The following MAN2B2 variants were observed in gnomAD, a reference collection of about 807,000 sequenced individuals.
MAN2B2 encodes the protein mannosidase alpha class 2B member 2.
Under a neutral mutation model 117.1 loss-of-function variants are expected in MAN2B2, and 106 were observed. The ratio of observed to expected loss-of-function variants is 0.90; its 90% confidence interval spans 0.77 to 1.06. The LOEUF is 1.06. Ranked by LOEUF, MAN2B2 falls within the 50% of genes least tolerant of loss-of-function variation. The pLI is 0.00. For synonymous variants in MAN2B2, 544 were observed against 595.1 expected (o/e 0.91, Z 1.25); for missense variants, 1,326 against 1,381.4 (o/e 0.96, Z 0.64).
Position 6,620,050 on chromosome 4 carries a change from G to C in MAN2B2, c.2932+6G>C. 1 of 1,606,036 alleles carries C rather than the reference G, an allele frequency of 6.2e-7. No individual in the cohort carries two copies. On this transcript the variant is annotated splice_donor_region_variant and intron_variant, in intron 18 of 18. Coordinates refer to ENST00000285599, the MANE Select transcript of MAN2B2 (RefSeq NM_015274.3). The stretch of plus-strand genomic sequence containing the variant: ...GGGGCCTGGCCGCCACAGAGGTTTG[G>C]GGACCCCCGCTTCAGCTCCCTACCC...
rs1467996516 is a variant in MAN2B2 at position 6,600,714 on chromosome 4, A to T, written c.1497A>T (p.Gly499=). The T allele has an allele frequency of 6.8e-6, 11 of 1,613,954 alleles. No individual in the cohort carries two copies. In the South Asian group the frequency reaches 7.7e-5, roughly 11 times the overall value. Residue 499 remains glycine (G), a synonymous_variant, in exon 10 of 19, where the codon GGA becomes GGT. Transcript: ENST00000285599. The stretch of plus-strand genomic sequence containing the variant: ...TCACCCTGACTGTTGGTTTCCCTGG[A>T]GTCCGCGTCACAGATGAGGCGGGCC... The part of the protein sequence containing the change: ...TIVTLTVGFP[G]VRVTDEAGHP...
intron 17 of MAN2B2, 164 bp from the exon 18 acceptor site, chr4:6,619,763 T>G: frequency 1.5e-6 from 1 of 654,652 alleles, no homozygotes; most frequent in East Asian, 2.6e-5. Flanking sequence ...TCCTCGCAGA[T>G]GTGCTGTGAG....
At chr4:6,578,608 C>T (rs920606787) in intron 3 of MAN2B2, 110 bp downstream of exon 3, 2 of 850,610 alleles carry the variant, frequency 2.4e-6, no homozygotes, top group South Asian at 1.6e-5. Flanking sequence ...TTAGTGGGGT[C>T]GGGGACCTTA....
At position 6,575,347 on chromosome 4, in the gene MAN2B2, A is replaced by T; in HGVS notation, c.137A>T (p.Gln46Leu). The T allele has an allele frequency of 6.4e-7, 1 of 1,553,338 alleles. No individual in the cohort carries two copies. The highest frequency in any genetic ancestry group is 8.7e-7 in the Non-Finnish European group (1 of 1,150,966). ...HMDVGWVYTV[Q>L]ESMRAYAANV... Reference sequence around the variant, plus strand: ...GACGTGGGCTGGGTCTACACTGTGCAGGTAGGTGCCGACCACGCCCCGCGC... The same window carrying T: ...GACGTGGGCTGGGTCTACACTGTGCTGGTAGGTGCCGACCACGCCCCGCGC... Residue 46 changes from glutamine (Q) to leucine (L), a missense_variant and splice_region_variant, in exon 1 of 19, where the codon CAG (glutamine) becomes CTG (leucine). Physicochemically the swap from Gln to Leu is moderately radical, Grantham distance 113 (BLOSUM62 -2). Transcript: ENST00000285599.
intron 16 of MAN2B2, among the ~76,000 whole-genome samples, chr4:6,616,229 A>G (rs1711866668): frequency 6.6e-6 from 1 of 152,186 alleles, no homozygotes; most frequent in African/African-American, 2.4e-5. Context: ...TGTGTTAACC[A>G]GGTCCTCTCT....
chr4:6,594,516 G>T lies in MAN2B2; in HGVS notation c.859-18G>T. The T allele has an allele frequency of 6.2e-7, 1 of 1,610,496 alleles. No homozygotes were observed. The highest frequency in any genetic ancestry group is 1.3e-5 in the African/African-American group (1 of 75,054). On this transcript the variant is annotated intron_variant, in intron 6 of 18. Coordinates refer to ENST00000285599, the MANE Select transcript of MAN2B2 (RefSeq NM_015274.3). ...CCCTGCTCCCACGGCACAGGATGTTGCTCCCATGTCCCTGCAGGGATGTGA... is the reference window on the plus strand; with the variant it reads ...CCCTGCTCCCACGGCACAGGATGTTTCTCCCATGTCCCTGCAGGGATGTGA...
At chr4:6,606,443 A>G (rs901359718) in intron 11 of MAN2B2, among the ~76,000 whole-genome samples, 5 of 152,242 alleles carry the variant, frequency 3.3e-5, no homozygotes, top group African/African-American at 9.6e-5. Context: ...CAAGCCTGCC[A>G]GGTTAGGCCA....
At position 6,594,411 on chromosome 4, in the gene MAN2B2, G is replaced by T; in HGVS notation, c.859-123G>T. The stretch of plus-strand genomic sequence containing the variant: ...AAGCCACTGCTATGGGAGCTGGTTT[G>T]GGGCCCCTGTTGGCCGCCTTGGAGA... On this transcript the variant is annotated intron_variant, in intron 6 of 18. Coordinates refer to ENST00000285599, the MANE Select transcript of MAN2B2 (RefSeq NM_015274.3). 3.3e-6 allele frequency: 3 copies of T among 915,012 alleles called. No individual in the cohort carries two copies. The South Asian group carries it at 4.5e-5, about 14-fold the overall frequency. The allele number at this position is 915,012 out of a possible 1,614,324, so 56.7% of individuals were successfully genotyped here. A position where few individuals can be genotyped will look rare whatever the true frequency, so the allele number is the denominator to read the frequency against.
intron 16 of MAN2B2, among the ~76,000 whole-genome samples, chr4:6,616,493 C>A (rs571054147): frequency 7.2e-5 from 11 of 152,316 alleles, no homozygotes; most frequent in Admixed American, 1.3e-4. Context: ...GTGGGGTTAG[C>A]AGGAAGGTTT....
chr4:6,615,222 C>A (rs1223422120), intron 16 of MAN2B2, among the ~76,000 whole-genome samples: 1 of 150,256 alleles, frequency 6.7e-6, no homozygotes, highest in Non-Finnish European at 1.5e-5. Context: ...ATAGGAAGAT[C>A]CTGTGTCTAT....
chr4:6,598,353 C>T lies in MAN2B2; in HGVS notation c.1404C>T (p.Ser468=), dbSNP rs1159779598. ...LQPQAPMAAS[S]DAGPAGHFAS... ...CCCAGGCACCCATGGCGGCCAGCTC[C>T]GGTGAGCAGGGCCCTGCAGGGAGGC... The change falls in exon 9 of 19, where the codon TCC becomes TCT. Residue 468 remains serine (S), a splice_region_variant and synonymous_variant. Coordinates refer to ENST00000285599, the MANE Select transcript of MAN2B2 (RefSeq NM_015274.3). The T allele has an allele frequency of 6.2e-6, 10 of 1,611,388 alleles. No homozygotes were observed. The highest frequency in any genetic ancestry group is 1.1e-5 in the South Asian group (1 of 91,006).
In MAN2B2 at chr4:6,605,060, G is replaced by T; in HGVS notation, c.1545G>T (p.Gln515His). Residue 515 changes from glutamine (Q) to histidine (H), a missense_variant, in exon 11 of 19, where the codon CAG (glutamine) becomes CAT (histidine). Coordinates refer to ENST00000285599, the MANE Select transcript of MAN2B2 (RefSeq NM_015274.3). ...EAGHPVPSQIQNSTETPSAYD... is the reference protein window; with the variant it reads ...EAGHPVPSQIHNSTETPSAYD... ...TCATCCTGCTGGCCTTGCAGATCCA[G>T]AACTCAACAGAGACCCCATCTGCGT... 6.2e-7 allele frequency: 1 copy of T among 1,610,822 alleles called. No homozygotes were observed. Among genetic ancestry groups the T allele is most frequent in the South Asian group, 1.1e-5 (1 of 90,982 alleles).
chr4:6,600,523 C>T (rs1380144722), intron 9 of MAN2B2, 100 bp from the exon 10 acceptor site: 6 of 1,421,532 alleles, frequency 4.2e-6, no homozygotes, highest in African/African-American at 2.8e-5. Flanking sequence ...GGCTGCATCT[C>T]ACCTACCTCA....
At chr4:6,585,118 T>A (rs1726582158) in intron 3 of MAN2B2, among the ~76,000 whole-genome samples, 1 of 151,962 alleles carries the variant, frequency 6.6e-6, no homozygotes. Context: ...ACACTCCTAG[T>A]CCACGCTCCC....
chr4:6,593,149 C>T (rs773083897), intron 5 of MAN2B2, 24 bp from the exon 6 acceptor site: 13 of 1,610,560 alleles, frequency 8.1e-6, no homozygotes, highest in Non-Finnish European at 1.1e-5. Flanking sequence ...GTGTCTTCTG[C>T]CCTAACCTTC....
At chr4:6,598,612 T>C (rs1024885276) in intron 9 of MAN2B2, among the ~76,000 whole-genome samples, 1 of 152,204 alleles carries the variant, frequency 6.6e-6, no homozygotes, top group African/African-American at 2.4e-5. Context: ...TTTACTAAGC[T>C]CAAAATACCC....
chr4:6,590,383 C>CTCAA (rs759444261), intron 5 of MAN2B2, among the ~76,000 whole-genome samples: 24 of 152,100 alleles, frequency 1.6e-4, no homozygotes, highest in African/African-American at 2.9e-4. Context: ...AAGACTCTGT[C>CTCAA]TCAATCAATC....
chr4:6,593,936 G>C (rs1455134724), intron 6 of MAN2B2, among the ~76,000 whole-genome samples: 1 of 152,176 alleles, frequency 6.6e-6, no homozygotes, highest in East Asian at 1.9e-4. Flanking sequence ...AGTTCCTTAG[G>C]GTGGCTAGGA....
At chr4:6,606,793 G>A (rs950852740) in intron 11 of MAN2B2, among the ~76,000 whole-genome samples, 18 of 152,208 alleles carry the variant, frequency 1.2e-4, no homozygotes, top group Admixed American at 3.3e-4. Context: ...CCCAGGCCTC[G>A]AAGGGCATAG....
Sources: allele counts gnomAD v4.1 joint callset (sites outside exome capture counted in the v4.1 genomes callset), GRCh38; gene constraint gnomAD v4.1.1; transcripts MANE v1.5; gene names NCBI Gene and HGNC (gene_info 2026-07-23, HGNC 2026-07-21).